DIDO1: variants seen among roughly 807,000 people sequenced by gnomAD.
DIDO1 encodes death-inducer obliterator 1.
DIDO1 carries 16 observed loss-of-function variants against 99.4 expected under a neutral mutation model. That is an observed-to-expected ratio of 0.16 (90% CI 0.11 to 0.24). The LOEUF (loss-of-function observed/expected upper bound fraction) is 0.24, where lower values mean the gene tolerates loss of function less well. DIDO1 is among the 10% of genes least tolerant of loss of function. The pLI, the probability that DIDO1 is intolerant of heterozygous loss-of-function variation, is 1.00. For synonymous variants in DIDO1, 1,366 were observed against 1,239.1 expected (o/e 1.10, Z -2.15); for missense variants, 2,996 against 3,014.0 (o/e 0.99, Z 0.14).
chr20:62,920,754 G>A (rs2065122244), intron 1 of DIDO1, among the ~76,000 whole-genome samples: 1 of 152,202 alleles, frequency 6.6e-6, no homozygotes, highest in Admixed American at 6.5e-5. Flanking sequence ...GAGACACTAA[G>A]TTTGAATTCG....
intron 2 of DIDO1, among the ~76,000 whole-genome samples, chr20:62,912,479 T>A (rs576807761): frequency 1.3e-5 from 2 of 151,938 alleles, no homozygotes; most frequent in African/African-American, 4.8e-5. Flanking sequence ...AGGCTGGAGT[T>A]AGCCACTGTG....
At chr20:62,906,216 C>G in intron 5 of DIDO1, 116 bp from the exon 6 acceptor site, 3 of 1,331,782 alleles carry the variant, frequency 2.3e-6, no homozygotes, top group Non-Finnish European at 3.0e-6. Flanking sequence ...TCTGAAGACC[C>G]TGCACCCATC....
At chr20:62,893,042 T>C in intron 12 of DIDO1, 80 bp from the exon 13 acceptor site, 1 of 1,466,034 alleles carries the variant, frequency 6.8e-7, no homozygotes, top group Non-Finnish European at 9.2e-7. Context: ...CTTTTTTTTT[T>C]TTGAGACAGG....
chr20:62,881,233 C>G lies in DIDO1; in HGVS notation c.4723G>C (p.Gly1575Arg), dbSNP rs751014149. ...RLATETGEGEGEPLSRLSARG... is the reference protein window; with the variant it reads ...RLATETGEGEREPLSRLSARG... ...GCCGAGAGCCTGGAGAGAGGCTCCC[C>G]CTCCCCCTCACCGGTCTCAGTGGCC... is the stretch of plus-strand genomic sequence containing the variant. The change falls in exon 16 of 16, where the codon GGG becomes CGG. Residue 1575 changes from glycine to arginine, a missense_variant. Transcript: ENST00000395343. This position sits in a 1 kb window ranked among gnomAD's most constrained non-coding sequence, Gnocchi z 8.3. 27 of 1,603,442 alleles carry G rather than the reference C, an allele frequency of 1.7e-5. No homozygotes were observed. In the Admixed American group the frequency reaches 4.2e-4, roughly 25 times the overall value.
rs923502600 is a variant in DIDO1, at chr20:62,894,343, G to A, written c.2572+70C>T. The A allele has an allele frequency of 1.3e-6, 2 of 1,592,046 alleles. No homozygotes were observed. The highest frequency in any genetic ancestry group is 1.7e-6 in the Non-Finnish European group (2 of 1,170,416). On this transcript the variant is annotated intron_variant, in intron 11 of 15. Transcript: ENST00000395343. This position sits in a 1 kb window ranked among gnomAD's most constrained non-coding sequence, Gnocchi z 4.4. ...AGCTTACGTGCGGTTGCTTTTAGGA[G>A]GTTCAGTGATTTTTAACAAAATCAA...
rs140002417 is a variant in DIDO1 at position 62,880,354 on chromosome 20, C to T, written c.5602G>A (p.Ala1868Thr). 9.9e-6 allele frequency: 16 copies of T among 1,612,830 alleles called. No homozygotes were observed. Among genetic ancestry groups the T allele is most frequent in the South Asian group, 2.2e-5 (2 of 91,082 alleles). The change falls in exon 16 of 16, where the codon GCC (alanine) becomes ACC (threonine). Residue 1868 changes from alanine (A) to threonine (T), a missense_variant. Ala to Thr is a moderately conservative substitution (Grantham distance 58). Transcript: ENST00000395343. ...APYNEVTGAP[A>T]QFEGTEQAPF... ...GCTTGCTCTGTCCCTTCAAACTGGGCGGGGGCGCCCGTCACCTCGTTATAC... is the reference window on the plus strand; with the variant it reads ...GCTTGCTCTGTCCCTTCAAACTGGGTGGGGGCGCCCGTCACCTCGTTATAC...
chr20:62,906,067 G>T lies in DIDO1; in HGVS notation c.1408C>A (p.Pro470Thr), dbSNP rs369958424. 247 of 1,613,198 alleles carry T rather than the reference G, an allele frequency of 1.5e-4. No individual in the cohort carries two copies. The highest frequency in any genetic ancestry group is 3.7e-4 in the Admixed American group (22 of 59,976). ...GIKISSVHKR[P>T]APEKKETTVK... The stretch of plus-strand genomic sequence containing the variant: ...GTGGTCTCTTTTTTTTCTGGAGCTG[G>T]TCTCTTGTGCACAGAAGAGATTTTA... Residue 470 changes from proline to threonine, a missense_variant, in exon 6 of 16, where the codon CCA becomes ACA. Physicochemically the swap from Pro to Thr is conservative, Grantham distance 38 (BLOSUM62 -1). Coordinates refer to ENST00000395343, the MANE Select transcript of DIDO1 (RefSeq NM_001193369.2).
chr20:62,927,026 G>A (rs1204105539), upstream of DIDO1, among the ~76,000 whole-genome samples: 7 of 149,942 alleles, frequency 4.7e-5, no homozygotes, highest in African/African-American at 1.8e-4. Flanking sequence ...CGAGGTCCAG[G>A]TGTGGGCGGG....
At chr20:62,884,385 C>T (rs879871532) in intron 15 of DIDO1, among the ~76,000 whole-genome samples, 4 of 152,136 alleles carry the variant, frequency 2.6e-5, no homozygotes, top group African/African-American at 7.2e-5. Context: ...GTGGGTGGGA[C>T]GTTTCAGCGG....
intron 15 of DIDO1, chr20:62,890,191 G>A (rs944637031): frequency 6.1e-6 from 6 of 985,808 alleles, no homozygotes; most frequent in Middle Eastern, 5.2e-4. Flanking sequence ...CCACACACCC[G>A]CTTTGAGAGA....
chr20:62,910,038 C>T lies in DIDO1; in HGVS notation c.840-18G>A, dbSNP rs769123226. On this transcript the variant is annotated intron_variant, in intron 3 of 15. Coordinates refer to ENST00000395343, the MANE Select transcript of DIDO1 (RefSeq NM_001193369.2). ...TCATAAACCTGAAATTATAAAATAACGGTATTAGCAATGGGACGTGAGTGA... is the reference window on the plus strand; with the variant it reads ...TCATAAACCTGAAATTATAAAATAATGGTATTAGCAATGGGACGTGAGTGA... 2.9e-5 allele frequency: 47 copies of T among 1,596,188 alleles called. No homozygotes were observed. In the South Asian group the frequency reaches 3.1e-4, roughly 10 times the overall value.
chr20:62,911,271 G>A lies in DIDO1; in HGVS notation c.342C>T (p.Ser114=), dbSNP rs1299654447. The part of the protein sequence containing the change: ...ATDAETASEG[S]VESASETRSG... ...TTCTGGTCTCAGAAGCGCTTTCCAC[G>A]CTGCCCTCGGAGGCTGTCTCGGCGT... is the stretch of plus-strand genomic sequence containing the variant. Residue 114 remains serine, a synonymous_variant, in exon 3 of 16, where the codon AGC becomes AGT. Transcript: ENST00000395343. This position sits in a 1 kb window ranked among gnomAD's most constrained non-coding sequence, Gnocchi z 7.0. 10 of 1,612,548 alleles carry A rather than the reference G, an allele frequency of 6.2e-6. No individual in the cohort carries two copies. The highest frequency in any genetic ancestry group is 4.4e-5 in the South Asian group (4 of 91,090).
rs1013566695 is a variant in DIDO1 at position 62,882,102 on chromosome 20, C to T, written c.3854G>A (p.Ser1285Asn). The T allele has an allele frequency of 1.2e-6, 2 of 1,612,806 alleles. No homozygotes were observed. The highest frequency in any genetic ancestry group is 1.3e-5 in the African/African-American group (1 of 74,880). ...TGCTGTTGTGGCTGCTGTGGCTGGG[C>T]TGGGGGCTGCAGGTTTGAGGGATGA... is the stretch of plus-strand genomic sequence containing the variant. Reference protein sequence around the residue: ...VLSSLKPAAPSPATAATTAAA... With the variant: ...VLSSLKPAAPNPATAATTAAA... Residue 1285 changes from serine to asparagine, a missense_variant, in exon 16 of 16, where the codon AGC becomes AAC. Coordinates refer to ENST00000395343, the MANE Select transcript of DIDO1 (RefSeq NM_001193369.2).
chr20:62,885,354 T>G (rs377149175), intron 15 of DIDO1, among the ~76,000 whole-genome samples: 36 of 152,292 alleles, frequency 2.4e-4, no homozygotes, highest in African/African-American at 7.7e-4. Context: ...AGGGAGACAC[T>G]CAGCTTCTAA....
In DIDO1 at chr20:62,905,945, A is replaced by G. The variant is rs1323724302; in HGVS notation, c.1530T>C (p.Asn510=). Residue 510 remains asparagine, a synonymous_variant, in exon 6 of 16, where the codon AAT becomes AAC. Coordinates refer to ENST00000395343, the MANE Select transcript of DIDO1 (RefSeq NM_001193369.2). ...TCTTTTCTGGCTTTACTGCATTGTAATTGTGATCGCTCGCCCACGACGGCG... is the reference window on the plus strand; with the variant it reads ...TCTTTTCTGGCTTTACTGCATTGTAGTTGTGATCGCTCGCCCACGACGGCG... The part of the protein sequence containing the change: ...SSTPSWASDH[N]YNAVKPEKTA... 1 of 1,614,084 alleles carries G rather than the reference A, an allele frequency of 6.2e-7. No individual in the cohort carries two copies. Among genetic ancestry groups the G allele is most frequent in the East Asian group, 2.2e-5 (1 of 44,882 alleles).
At position 62,891,254 on chromosome 20, in the gene DIDO1, T is replaced by C. The variant is rs1195127455; in HGVS notation, c.3346-99A>G. 3.2e-6 allele frequency: 5 copies of C among 1,540,432 alleles called. No individual in the cohort carries two copies. The East Asian group carries it at 1.2e-4, about 35-fold the overall frequency. On this transcript the variant is annotated intron_variant, in intron 14 of 15. Transcript: ENST00000395343. ...TTTCAACAGGAAACCTTGTCAGATC[T>C]CTCCGACTCACAGCCACGATCTCAC...
In DIDO1 at chr20:62,907,257, CGT is replaced by C; in HGVS notation, c.1262_1263del (p.His421ArgfsTer12). ...CTTAGAAACTTCATTGTCGCTGCGG[CGT>C]GTTTGAGGATACAGTCATTACTGCA... The part of the protein sequence containing the change: ...VYCSNDCILK[H>X]AAATMKFLSS... On this transcript the variant is annotated frameshift_variant, in exon 5 of 16. Coordinates refer to ENST00000395343, the MANE Select transcript of DIDO1 (RefSeq NM_001193369.2). LOFTEE classifies it high-confidence loss of function. 1 of 1,614,196 alleles carries C rather than the reference CGT, an allele frequency of 6.2e-7. No individual in the cohort carries two copies. The highest frequency in any genetic ancestry group is 8.5e-7 in the Non-Finnish European group (1 of 1,180,040).
At chr20:62,897,502 C>A (rs1014051941) in intron 6 of DIDO1, among the ~76,000 whole-genome samples, 2 of 152,152 alleles carry the variant, frequency 1.3e-5, no homozygotes, top group Admixed American at 1.3e-4. Flanking sequence ...CCATTGGAGG[C>A]GATGCCATTA....
intron 15 of DIDO1, among the ~76,000 whole-genome samples, chr20:62,884,425 C>T (rs2064265985): frequency 6.6e-6 from 1 of 152,150 alleles, no homozygotes; most frequent in Non-Finnish European, 1.5e-5. Flanking sequence ...GAGATTAAAC[C>T]GTAACAACTC....
Sources: gnomAD v4.1 joint callset for allele counts (sites outside exome capture counted in the v4.1 genomes callset) on GRCh38, gnomAD v4.1.1 for gene constraint, Gnocchi (gnomAD v3.1) non-coding constraint, MANE v1.5 for transcripts, NCBI Gene and HGNC (gene_info 2026-07-23, HGNC 2026-07-21) for gene names.